Variants in BRD10 observed in about 807,000 individuals in gnomAD.
BRD10 encodes bromodomain containing 10, also known as uncharacterized bromodomain-containing protein 10.
chr9:5,989,421 T>C, the BRD10 span, among the ~76,000 whole-genome samples: 2 of 140,488 alleles, frequency 1.4e-5, no homozygotes, highest in African/African-American at 5.3e-5. Flanking sequence ...ACAGAGTTCC[T>C]ACCTCAAAAA....
At chr9:5,919,985 G>A in the BRD10 span, 1 of 1,613,980 alleles carries the variant, frequency 6.2e-7, no homozygotes, top group Non-Finnish European at 8.5e-7. Context: ...AATTACTGAA[G>A]TCAGTGATAC....
the BRD10 span, among the ~76,000 whole-genome samples, chr9:5,906,338 A>G: frequency 2.7e-5 from 4 of 150,030 alleles, no homozygotes; most frequent in Non-Finnish European, 5.9e-5. Flanking sequence ...TCAAAAAAAA[A>G]AAAAGAAAAG....
chr9:5,947,619 A>C, the BRD10 span, among the ~76,000 whole-genome samples: 1 of 152,008 alleles, frequency 6.6e-6, no homozygotes, highest in Admixed American at 6.6e-5. Context: ...TGTATACCTA[A>C]TATATATACC....
the BRD10 span, chr9:5,922,516 A>T: frequency 6.2e-7 from 1 of 1,614,034 alleles, no homozygotes. Context: ...GTTGGGTAGA[A>T]ACAGTTCCTG....
the BRD10 span, among the ~76,000 whole-genome samples, chr9:5,895,128 T>G: frequency 6.6e-6 from 1 of 152,290 alleles, no homozygotes; most frequent in African/African-American, 2.4e-5. Flanking sequence ...CTTTTGACAT[T>G]TTGCTGTCTG....
chr9:5,948,502 A>T, the BRD10 span, among the ~76,000 whole-genome samples: 7 of 145,458 alleles, frequency 4.8e-5, no homozygotes, highest in East Asian at 6.0e-4. Flanking sequence ...CTGTAGAGAT[A>T]AAAAAAAAAA....
the BRD10 span, chr9:5,921,295 C>T: frequency 2.2e-5 from 36 of 1,613,844 alleles, no homozygotes; most frequent in South Asian, 4.0e-4. Context: ...TTATCTGAGA[C>T]ACAGCTGGTG....
At chr9:5,915,779 T>C in the BRD10 span, among the ~76,000 whole-genome samples, 1 of 152,366 alleles carries the variant, frequency 6.6e-6, no homozygotes, top group African/African-American at 2.4e-5. Flanking sequence ...AATGGAATCC[T>C]ACTCATCTAT....
chr9:5,984,065 C>A, the BRD10 span, among the ~76,000 whole-genome samples: 1 of 149,640 alleles, frequency 6.7e-6, no homozygotes, highest in Non-Finnish European at 1.5e-5. Context: ...AAAAAAAAAC[C>A]TCAGAATTCA....
At chr9:5,990,952 A>T in the BRD10 span, among the ~76,000 whole-genome samples, 1 of 152,218 alleles carries the variant, frequency 6.6e-6, no homozygotes, top group Non-Finnish European at 1.5e-5. Flanking sequence ...TTTTTAAAAC[A>T]CTGGAAACAT....
At chr9:5,914,234 G>T in the BRD10 span, among the ~76,000 whole-genome samples, 1 of 152,142 alleles carries the variant, frequency 6.6e-6, no homozygotes, top group Non-Finnish European at 1.5e-5. Flanking sequence ...CACTAGGTTT[G>T]GTTCAGGTTT....
chr9:5,991,939 C>T, the BRD10 span, among the ~76,000 whole-genome samples: 2 of 152,076 alleles, frequency 1.3e-5, no homozygotes, highest in African/African-American at 4.8e-5. Context: ...TCAGTCATAC[C>T]AACACAACTG....
At chr9:5,887,059 G>A in the BRD10 span, among the ~76,000 whole-genome samples, 2 of 152,148 alleles carry the variant, frequency 1.3e-5, no homozygotes, top group African/African-American at 2.4e-5. Context: ...AGGAGTTCGA[G>A]ACCAGCCTGG....
At chr9:5,897,653 G>A in the BRD10 span, 1 of 1,613,174 alleles carries the variant, frequency 6.2e-7, no homozygotes, top group South Asian at 1.1e-5. Context: ...GAGCCTTGAT[G>A]GTTGGTAAAG....
At chr9:5,944,995 CATAAT>C in the BRD10 span, 16 of 1,131,836 alleles carry the variant, frequency 1.4e-5, no homozygotes, top group Admixed American at 7.5e-5. Flanking sequence ...CTTGATAACA[CATAAT>C]ATAAAACACC....
the BRD10 span, among the ~76,000 whole-genome samples, chr9:5,967,539 T>C: frequency 5.3e-4 from 80 of 152,126 alleles, no homozygotes; most frequent in Non-Finnish European, 1.0e-3. Flanking sequence ...ACTGAAAACA[T>C]AGTTCTGAAA....
At chr9:5,940,481 C>T in the BRD10 span, among the ~76,000 whole-genome samples, 7 of 152,214 alleles carry the variant, frequency 4.6e-5, no homozygotes, top group Non-Finnish European at 1.0e-4. Context: ...GCGTGAGCCA[C>T]CGCGCCTGGC....
At chr9:5,995,944 A>C in the BRD10 span, among the ~76,000 whole-genome samples, 1 of 152,230 alleles carries the variant, frequency 6.6e-6, no homozygotes, top group Non-Finnish European at 1.5e-5. Flanking sequence ...CACCACTGAC[A>C]AAAATGTGAA....
the BRD10 span, among the ~76,000 whole-genome samples, chr9:5,999,072 AAT>A: frequency 6.6e-6 from 1 of 152,044 alleles, no homozygotes; most frequent in Admixed American, 6.6e-5. Context: ...TGATATTGTC[AAT>A]ATGTTTATAA....
Sources: gnomAD v4.1 joint callset for allele counts (sites outside exome capture counted in the v4.1 genomes callset) on GRCh38, gnomAD v4.1.1 for gene constraint, MANE v1.5 for transcripts, NCBI Gene and HGNC (gene_info 2026-07-23, HGNC 2026-07-21) for gene names.